Variants in TTC28 observed in about 807,000 individuals in gnomAD.
TTC28 encodes tetratricopeptide repeat protein 28.
In TTC28, 61 loss-of-function variants were observed where a neutral mutation model predicts 198.0. That is an observed-to-expected ratio of 0.31 (90% CI 0.25 to 0.38). The LOEUF (loss-of-function observed/expected upper bound fraction) is 0.38. Ranked by LOEUF, TTC28 falls within the 10% of genes least tolerant of loss-of-function variation. TTC28 has a pLI of 1.00. For missense variants in TTC28, 2,678 were observed against 3,164.0 expected, an observed-to-expected ratio of 0.85 and a Z score of 3.69; for synonymous variants, 1,171 against 1,297.8, an observed-to-expected ratio of 0.90 and a Z score of 2.10.
At chr22:28,599,159 T>C (rs1329387675) in intron 2 of TTC28, among the ~76,000 whole-genome samples, 1 of 152,238 alleles carries the variant, frequency 6.6e-6, no homozygotes, top group Non-Finnish European at 1.5e-5. Flanking sequence ...ATAAAATCCT[T>C]TTGACTAGTA....
intron 1 of TTC28, among the ~76,000 whole-genome samples, chr22:28,652,281 TG>T (rs1375411105): frequency 6.6e-6 from 1 of 152,256 alleles, no homozygotes; most frequent in East Asian, 1.9e-4. Context: ...ACATGTGAAC[TG>T]AACCATGGGC....
intron 2 of TTC28, among the ~76,000 whole-genome samples, chr22:28,629,041 T>C (rs1448287214): frequency 6.6e-6 from 1 of 151,968 alleles, no homozygotes; most frequent in Admixed American, 6.6e-5. Flanking sequence ...AAATAAAGTA[T>C]ATATAATAAA....
intron 13 of TTC28, among the ~76,000 whole-genome samples, chr22:28,019,826 A>C (rs1372069464): frequency 6.6e-6 from 1 of 152,210 alleles, no homozygotes; most frequent in Non-Finnish European, 1.5e-5. Context: ...GAGCTTTGAA[A>C]GGGGTGGAAA....
chr22:28,355,726 C>T (rs1261058858), intron 2 of TTC28, among the ~76,000 whole-genome samples: 1 of 152,190 alleles, frequency 6.6e-6, no homozygotes, highest in Non-Finnish European at 1.5e-5. Flanking sequence ...CACAAAGAGC[C>T]AATGTGACAG....
chr22:28,589,761 C>T (rs769251908), intron 2 of TTC28, among the ~76,000 whole-genome samples: 1 of 152,042 alleles, frequency 6.6e-6, no homozygotes, highest in African/African-American at 2.4e-5. Context: ...AGAAAACGGT[C>T]GGGCATGGTG....
chr22:28,180,507 C>T (rs920786427), intron 5 of TTC28, among the ~76,000 whole-genome samples: 3 of 152,080 alleles, frequency 2.0e-5, no homozygotes, highest in African/African-American at 7.2e-5. Context: ...GTCGGGGCCA[C>T]CAGTAAGCTT....
rs190101342 is a variant in TTC28 at position 28,175,961 on chromosome 22, G to A, written c.934-12362C>T. 2.0e-5 allele frequency among the ~76,000 whole-genome samples: 3 copies of A among 152,242 alleles called. No homozygotes were observed. The East Asian group carries it at 5.8e-4, about 29-fold the overall frequency. On this transcript the variant is annotated intron_variant, in intron 5 of 22. Transcript: ENST00000397906. ...AAGGGAATGCTTATTCACTACTGGT[G>A]GAATTGTAAACCAGTACAACTATTA...
chr22:28,002,478 A>G (rs1024779209), intron 14 of TTC28: 2 of 152,226 alleles, frequency 1.3e-5, no homozygotes, highest in African/African-American at 4.8e-5. Flanking sequence ...TGCCTGGGGA[A>G]GCAAATGTGC....
At chr22:28,278,617 C>T (rs1211231198) in intron 5 of TTC28, among the ~76,000 whole-genome samples, 1 of 152,216 alleles carries the variant, frequency 6.6e-6, no homozygotes, top group Non-Finnish European at 1.5e-5. Flanking sequence ...GGACTTATAT[C>T]TCATTCTCTG....
chr22:28,234,195 C>T (rs537268685), intron 5 of TTC28, among the ~76,000 whole-genome samples: 1 of 151,258 alleles, frequency 6.6e-6, no homozygotes, highest in African/African-American at 2.4e-5. Context: ...CATGAGCCAC[C>T]GCACCTGGCC....
intron 3 of TTC28, among the ~76,000 whole-genome samples, chr22:28,300,012 A>G (rs2044986629): frequency 6.6e-6 from 1 of 152,122 alleles, no homozygotes; most frequent in African/African-American, 2.4e-5. Context: ...CAGCATAACC[A>G]TTGCAACCAA....
intron 2 of TTC28, among the ~76,000 whole-genome samples, chr22:28,392,909 T>C (rs1163478054): frequency 7.1e-6 from 1 of 140,272 alleles, no homozygotes; most frequent in Non-Finnish European, 1.5e-5. Context: ...AGGGTCTTGC[T>C]CTGTCACCCA....
chr22:28,360,055 C>T (rs2046135534), intron 2 of TTC28, among the ~76,000 whole-genome samples: 1 of 152,192 alleles, frequency 6.6e-6, no homozygotes, highest in South Asian at 2.1e-4. Context: ...AGTCAGGTCT[C>T]ATTCTAAAAC....
rs146775447 is a variant in TTC28 at position 28,497,973 on chromosome 22, G to A, written c.381+131579C>T. 6.6e-5 allele frequency among the ~76,000 whole-genome samples: 10 copies of A among 152,128 alleles called. No individual in the cohort carries two copies. In the East Asian group the frequency reaches 1.7e-3, roughly 26 times the overall value. On this transcript the variant is annotated intron_variant, in intron 2 of 22. Transcript: ENST00000397906. ...GTTGAAGCTGGAACAATTAGCAAAA[G>A]AAGAGAAAAAGAGTGGGGGCTGAGT...
chr22:28,540,069 G>A lies in TTC28; in HGVS notation c.381+89483C>T, dbSNP rs990736712. Reference sequence around the variant, plus strand: ...ACGCCATTCTCCTGCCTCAGCCTCCGAGTAGCTGGGACTAAAGGCACCCGC... The same window carrying A: ...ACGCCATTCTCCTGCCTCAGCCTCCAAGTAGCTGGGACTAAAGGCACCCGC... On this transcript the variant is annotated intron_variant, in intron 2 of 22. Coordinates refer to ENST00000397906, the MANE Select transcript of TTC28 (RefSeq NM_001145418.2). 5.3e-5 allele frequency among the ~76,000 whole-genome samples: 8 copies of A among 150,026 alleles called. No homozygotes were observed. In the South Asian group the frequency reaches 6.4e-4, roughly 12 times the overall value.
chr22:28,039,692 GCAAA>G (rs1233435287), intron 12 of TTC28, among the ~76,000 whole-genome samples: 1 of 151,996 alleles, frequency 6.6e-6, no homozygotes, highest in Non-Finnish European at 1.5e-5. Context: ...AGAAGGAAGA[GCAAA>G]CAAATTCAAA....
intron 5 of TTC28, among the ~76,000 whole-genome samples, chr22:28,181,891 C>CA (rs1008633840): frequency 4.0e-5 from 6 of 151,744 alleles, no homozygotes; most frequent in African/African-American, 7.3e-5. Context: ...AACAAACAAA[C>CA]AAAAAAAACT....
At chr22:28,213,865 C>A (rs1333260848) in intron 5 of TTC28, among the ~76,000 whole-genome samples, 1 of 152,148 alleles carries the variant, frequency 6.6e-6, no homozygotes, top group Non-Finnish European at 1.5e-5. Flanking sequence ...CATCACGCTA[C>A]CCGACTTCAA....
chr22:28,237,513 G>A (rs1278972499), intron 5 of TTC28, among the ~76,000 whole-genome samples: 1 of 151,990 alleles, frequency 6.6e-6, no homozygotes, highest in Non-Finnish European at 1.5e-5. Context: ...ATCTTACAAC[G>A]GTATGTACTT....
Sources: allele counts gnomAD v4.1 joint callset (sites outside exome capture counted in the v4.1 genomes callset), GRCh38; gene constraint gnomAD v4.1.1; transcripts MANE v1.5; gene names NCBI Gene and HGNC (gene_info 2026-07-23, HGNC 2026-07-21).